FTO: variants seen among roughly 807,000 people sequenced by gnomAD.
FTO encodes FTO alpha-ketoglutarate dependent dioxygenase, also known as alpha-ketoglutarate-dependent dioxygenase FTO.
Under a neutral mutation model 63.9 loss-of-function variants are expected in FTO, and 47 were observed. That is an observed-to-expected ratio of 0.74 (90% CI 0.58 to 0.94). The LOEUF is 0.94. Ranked by LOEUF, FTO falls within the 40% of genes least tolerant of loss-of-function variation. The pLI, the probability that FTO is intolerant of heterozygous loss-of-function variation, is 0.00. For synonymous variants in FTO, 207 were observed against 224.4 expected, an observed-to-expected ratio of 0.92 and a Z score of 0.69; for missense variants, 562 against 618.1, an observed-to-expected ratio of 0.91 and a Z score of 0.96.
At position 53,719,253 on chromosome 16, in the gene FTO, C is replaced by CTT. The variant is rs10527186; in HGVS notation, c.45+15045_45+15046dup. ...TCTTCTTCTTCTTTTTCTTCTTCTT[C>CTT]TTTTTTTTTTTTTTTTTTTTTTGAG... is the stretch of plus-strand genomic sequence containing the variant. On this transcript the variant is annotated intron_variant, in intron 1 of 8. Coordinates refer to ENST00000471389, the MANE Select transcript of FTO (RefSeq NM_001080432.3). Among the ~76,000 whole-genome samples the CTT allele has an allele frequency of 2.3e-3, 305 of 135,518 alleles. 4 individuals are homozygous for CTT. Among genetic ancestry groups the CTT allele is most frequent in the South Asian group, 0.013 (50 of 3,800 alleles). 88.9% of individuals were successfully genotyped at this position (135,518 alleles called of 152,430 possible).
intron 1 of FTO, among the ~76,000 whole-genome samples, chr16:53,705,247 C>A (rs1294607123): frequency 6.6e-6 from 1 of 152,130 alleles, no homozygotes; most frequent in African/African-American, 2.4e-5. Flanking sequence ...ACTCTGCCAA[C>A]CACCTGTTTA....
intron 7 of FTO, among the ~76,000 whole-genome samples, chr16:53,921,087 C>A (rs1212887129): frequency 6.6e-6 from 1 of 152,228 alleles, no homozygotes; most frequent in East Asian, 1.9e-4. Context: ...GGGTTAAAGA[C>A]ACACTGTAGG....
intron 8 of FTO, among the ~76,000 whole-genome samples, chr16:53,990,289 C>G (rs1284527211): frequency 6.6e-6 from 1 of 152,182 alleles, no homozygotes; most frequent in African/African-American, 2.4e-5. Flanking sequence ...CTCTTGGCTA[C>G]TACTCACTCA....
intron 1 of FTO, among the ~76,000 whole-genome samples, chr16:53,741,103 C>T (rs1341593709): frequency 6.6e-5 from 10 of 152,052 alleles, no homozygotes; most frequent in Non-Finnish European, 1.5e-5. Context: ...AAATTGTTTC[C>T]CCAAATAAAG....
At chr16:53,946,773 C>A (rs1277310748) in intron 8 of FTO, among the ~76,000 whole-genome samples, 1 of 152,202 alleles carries the variant, frequency 6.6e-6, no homozygotes, top group African/African-American at 2.4e-5. Flanking sequence ...AAAACCTCCA[C>A]CCCTCTGCCC....
chr16:53,780,185 A>G (rs1320649556), intron 1 of FTO, among the ~76,000 whole-genome samples: 3 of 151,884 alleles, frequency 2.0e-5, no homozygotes, highest in African/African-American at 7.3e-5. Flanking sequence ...CTCACCAGCC[A>G]CTCTGTCCTT....
At chr16:54,086,785 G>C (rs760082136) in intron 8 of FTO, among the ~76,000 whole-genome samples, 1 of 152,172 alleles carries the variant, frequency 6.6e-6, no homozygotes. Flanking sequence ...CACAATTGAA[G>C]TCAAATGGAA....
intron 1 of FTO, among the ~76,000 whole-genome samples, chr16:53,743,255 A>G (rs1273473796): frequency 6.6e-6 from 1 of 152,170 alleles, no homozygotes; most frequent in Non-Finnish European, 1.5e-5. Flanking sequence ...TCGGAATGAA[A>G]GCTTGCTTGG....
At chr16:53,827,081 A>G (rs1324203596) in intron 3 of FTO, among the ~76,000 whole-genome samples, 2 of 152,050 alleles carry the variant, frequency 1.3e-5, no homozygotes, top group African/African-American at 2.4e-5. Context: ...ACAGTCCTCT[A>G]TTTTCAGGAA....
chr16:53,782,087 C>G (rs1332984858), intron 1 of FTO, among the ~76,000 whole-genome samples: 1 of 152,084 alleles, frequency 6.6e-6, no homozygotes, highest in Non-Finnish European at 1.5e-5. Flanking sequence ...CCCGTATACC[C>G]AGAACTTTGT....
chr16:54,085,487 C>G (rs1567562344), intron 8 of FTO, among the ~76,000 whole-genome samples: 3 of 152,056 alleles, frequency 2.0e-5, no homozygotes, highest in Non-Finnish European at 4.4e-5. Context: ...CTTCACATGC[C>G]CTCCATGGCC....
chr16:54,105,030 T>G (rs1322638092), intron 8 of FTO, among the ~76,000 whole-genome samples: 2 of 152,230 alleles, frequency 1.3e-5, no homozygotes, highest in African/African-American at 4.8e-5. Flanking sequence ...GTTATTTGAT[T>G]TTATCTTCAC....
intron 8 of FTO, among the ~76,000 whole-genome samples, chr16:54,059,533 G>A (rs1042721864): frequency 3.9e-5 from 6 of 152,108 alleles, no homozygotes; most frequent in African/African-American, 1.4e-4. Context: ...ATAATTTCCT[G>A]TTTGATATTG....
chr16:53,851,765 ATTG>A (rs1048614606), intron 4 of FTO, among the ~76,000 whole-genome samples: 4 of 152,066 alleles, frequency 2.6e-5, no homozygotes, highest in African/African-American at 9.7e-5. Context: ...TCATATTATT[ATTG>A]TTATTATAAA....
At chr16:54,013,636 C>T (rs1449857789) in intron 8 of FTO, 1 of 152,220 alleles carries the variant, frequency 6.6e-6, no homozygotes, top group Non-Finnish European at 1.5e-5. Flanking sequence ...GCCCAGCCTT[C>T]AACAACCACC....
At chr16:53,932,271 C>A (rs1477565599) in intron 7 of FTO, among the ~76,000 whole-genome samples, 1 of 152,128 alleles carries the variant, frequency 6.6e-6, no homozygotes, top group African/African-American at 2.4e-5. Flanking sequence ...AATCAGGGTC[C>A]TTTTCCTGGC....
At chr16:53,937,757 G>A (rs1046270578) in intron 8 of FTO, 1 of 152,450 alleles carries the variant, frequency 6.6e-6, no homozygotes, top group Admixed American at 6.5e-5. Flanking sequence ...AATGACCCAT[G>A]CAAGGAGCTG....
chr16:53,982,829 T>C (rs548104356), intron 8 of FTO, among the ~76,000 whole-genome samples: 2 of 152,280 alleles, frequency 1.3e-5, no homozygotes, highest in South Asian at 4.1e-4. Flanking sequence ...CTTAAGGGCT[T>C]CTGCTAACAT....
rs1189575941 is a variant in FTO, at chr16:53,933,997, C to T, written c.1252C>T (p.Leu418Phe). 2 of 1,613,642 alleles carry T rather than the reference C, an allele frequency of 1.2e-6. No individual in the cohort carries two copies. The highest frequency in any genetic ancestry group is 1.7e-6 in the Non-Finnish European group (2 of 1,179,810). The change falls in exon 8 of 9, where the codon CTT becomes TTT. Residue 418 changes from leucine to phenylalanine, a missense_variant. Coordinates refer to ENST00000471389, the MANE Select transcript of FTO (RefSeq NM_001080432.3). ...KKMEGVTNAV[L>F]HEVKREGLPV... ...TCATTTCTTGTAGACAAATGCTGTGCTTCATGAAGTTAAAAGAGAGGGGCT... is the reference window on the plus strand; with the variant it reads ...TCATTTCTTGTAGACAAATGCTGTGTTTCATGAAGTTAAAAGAGAGGGGCT...
Sources: gnomAD v4.1 joint callset for allele counts (sites outside exome capture counted in the v4.1 genomes callset) on GRCh38, gnomAD v4.1.1 for gene constraint, MANE v1.5 for transcripts, NCBI Gene and HGNC (gene_info 2026-07-23, HGNC 2026-07-21) for gene names.